Variants in ILRUN observed in about 807,000 individuals in gnomAD.
The protein encoded by ILRUN is protein ILRUN.
ILRUN carries 3 observed loss-of-function variants against 33.8 expected under a neutral mutation model. That is an observed-to-expected ratio of 0.09 (90% CI 0.04 to 0.23). The LOEUF (loss-of-function observed/expected upper bound fraction) is 0.23, where lower values mean the gene tolerates loss of function less well. ILRUN is among the 10% of genes least tolerant of loss of function. The pLI is 1.00. For missense variants in ILRUN, 210 were observed against 375.1 expected (o/e 0.56, Z 3.64); for synonymous variants, 124 against 138.9 (o/e 0.89, Z 0.75).
chr6:34,606,418 C>T (rs1761630530), intron 4 of ILRUN, 137 bp downstream of exon 4: 2 of 636,014 alleles, frequency 3.1e-6, no homozygotes, highest in Middle Eastern at 4.3e-4. Flanking sequence ...TGCATTGTTG[C>T]TATTGGCAGG....
chr6:34,600,911 A>G (rs1761493864), intron 4 of ILRUN, among the ~76,000 whole-genome samples: 1 of 152,246 alleles, frequency 6.6e-6, no homozygotes, highest in African/African-American at 2.4e-5. Context: ...CAGCATGCTT[A>G]GAAGTCAAAA....
At position 34,606,822 on chromosome 6, in the gene ILRUN, G is replaced by A. The variant is rs1164871217; in HGVS notation, c.594C>T (p.Phe198=). Residue 198 remains phenylalanine, a synonymous_variant, in exon 4 of 5, where the codon TTC becomes TTT. Coordinates refer to ENST00000374023, the MANE Select transcript of ILRUN (RefSeq NM_024294.4). ...TQQLSSFETE[F]NTQPHRKVEG... ...CTACCTTACGATGCGGCTGTGTGTT[G>A]AACTCCGTTTCAAAAGATGACAGCT... 10 of 1,613,978 alleles carry A rather than the reference G, an allele frequency of 6.2e-6. No individual in the cohort carries two copies. The highest frequency in any genetic ancestry group is 8.5e-6 in the Non-Finnish European group (10 of 1,180,036).
At chr6:34,651,866 C>T (rs1359718176) in intron 2 of ILRUN, among the ~76,000 whole-genome samples, 2 of 146,586 alleles carry the variant, frequency 1.4e-5, no homozygotes, top group African/African-American at 5.1e-5. Flanking sequence ...GATCTTGGCT[C>T]ACTACAACCT....
At chr6:34,684,213 CTTTA>C (rs1763467997) in intron 1 of ILRUN, among the ~76,000 whole-genome samples, 1 of 152,202 alleles carries the variant, frequency 6.6e-6, no homozygotes, top group African/African-American at 2.4e-5. Flanking sequence ...CAGACATGCT[CTTTA>C]TAAAGGCAAG....
At chr6:34,665,878 T>C (rs186077525) in intron 1 of ILRUN, among the ~76,000 whole-genome samples, 4 of 152,054 alleles carry the variant, frequency 2.6e-5, no homozygotes, top group Admixed American at 1.3e-4. Flanking sequence ...TACTTTACAA[T>C]TGTCTAATAA....
At chr6:34,676,365 C>T (rs926457183) in intron 1 of ILRUN, among the ~76,000 whole-genome samples, 1 of 148,386 alleles carries the variant, frequency 6.7e-6, no homozygotes, top group Non-Finnish European at 1.5e-5. Context: ...TAGGACTGTA[C>T]TCTAGCCTGG....
chr6:34,683,431 T>TATATACATATATATATAC (rs71305437), intron 1 of ILRUN, among the ~76,000 whole-genome samples: 1 of 46,418 alleles, frequency 2.2e-5, no homozygotes, highest in Non-Finnish European at 3.6e-5. Flanking sequence ...TATATATACA[T>TATATACATATATATATAC]ATATATATAC....
chr6:34,685,956 G>C (rs912017876), intron 1 of ILRUN, among the ~76,000 whole-genome samples: 13 of 151,756 alleles, frequency 8.6e-5, no homozygotes, highest in African/African-American at 2.7e-4. Context: ...TAAATATAAA[G>C]AACTAAAACT....
intron 1 of ILRUN, chr6:34,686,599 A>G (rs1763524067): frequency 1.4e-5 from 3 of 212,130 alleles, no homozygotes; most frequent in East Asian, 1.1e-4. Context: ...TCCAGCAAAC[A>G]TAATGAACAT....
intron 1 of ILRUN, among the ~76,000 whole-genome samples, chr6:34,679,191 A>C (rs949757177): frequency 9.9e-5 from 15 of 151,926 alleles, no homozygotes; most frequent in Middle Eastern, 6.8e-3. Flanking sequence ...TTAAAACAGG[A>C]TCACATTTTT....
intron 3 of ILRUN, among the ~76,000 whole-genome samples, chr6:34,614,917 G>C (rs1582046260): frequency 6.6e-6 from 1 of 152,062 alleles, no homozygotes; most frequent in South Asian, 2.1e-4. Context: ...CATTCTATAG[G>C]ATACTTGCCA....
chr6:34,607,641 A>G, intron 3 of ILRUN, among the ~76,000 whole-genome samples: 1 of 117,164 alleles, frequency 8.5e-6, no homozygotes, highest in African/African-American at 4.7e-5. Flanking sequence ...TGAACATCAT[A>G]GAGTGTACAA....
chr6:34,606,948 A>G, intron 3 of ILRUN, 44 bp from the exon 4 acceptor site: 1 of 1,489,786 alleles, frequency 6.7e-7, no homozygotes. Context: ...GCTTACCCTT[A>G]AAGGCCCAAG....
rs141308751 is a variant in ILRUN at position 34,618,926 on chromosome 6, G to A, written c.512-12022C>T. Among the ~76,000 whole-genome samples, 168 of 152,312 alleles carry A rather than the reference G, an allele frequency of 1.1e-3. 2 individuals carry two copies. In the East Asian group the frequency reaches 0.03, roughly 27 times the overall value. On this transcript the variant is annotated intron_variant, in intron 3 of 4. Coordinates refer to ENST00000374023, the MANE Select transcript of ILRUN (RefSeq NM_024294.4). ...AAAACCGGGAGTCTATGGTGCTCTA[G>A]AAGCCTAGTGACGAGTGTTTCAAGA...
chr6:34,637,847 T>C (rs1762394798), intron 3 of ILRUN, among the ~76,000 whole-genome samples: 1 of 118,682 alleles, frequency 8.4e-6, no homozygotes, highest in Non-Finnish European at 1.7e-5. Context: ...TTGTTGTTGC[T>C]GCTGCTGCTG....
At chr6:34,683,269 A>G (rs1311196625) in intron 1 of ILRUN, among the ~76,000 whole-genome samples, 1 of 151,142 alleles carries the variant, frequency 6.6e-6, no homozygotes. Flanking sequence ...CAATGGAGGT[A>G]TAAGGGCCTT....
chr6:34,590,624 G>C, intron 4 of ILRUN, 24 bp from the exon 5 acceptor site: 1 of 1,529,206 alleles, frequency 6.5e-7, no homozygotes. Flanking sequence ...AAGATAGTCA[G>C]TGATGGTACA....
At chr6:34,689,898 A>AACATAC (rs542022174) in intron 1 of ILRUN, among the ~76,000 whole-genome samples, 126 of 152,114 alleles carry the variant, frequency 8.3e-4, no homozygotes, top group South Asian at 4.2e-3. Flanking sequence ...AGAATTCCAA[A>AACATAC]ACATACACAC....
chr6:34,609,635 A>G (rs1452985265), intron 3 of ILRUN, among the ~76,000 whole-genome samples: 2 of 152,170 alleles, frequency 1.3e-5, no homozygotes, highest in Non-Finnish European at 2.9e-5. Flanking sequence ...AGGGAATCTT[A>G]AAGTATTATA....
Sources: allele counts gnomAD v4.1 joint callset (sites outside exome capture counted in the v4.1 genomes callset), GRCh38; gene constraint gnomAD v4.1.1; transcripts MANE v1.5; gene names NCBI Gene and HGNC (gene_info 2026-07-23, HGNC 2026-07-21).